Variants in ANGPT2 observed in about 807,000 individuals in gnomAD.
ANGPT2 encodes angiopoietin-2.
In ANGPT2, 28 loss-of-function variants were observed where a neutral mutation model predicts 62.9. The observed-to-expected ratio is 0.44, with a 90% CI of 0.33 to 0.61. The LOEUF (loss-of-function observed/expected upper bound fraction) is 0.61. Ranked by LOEUF, ANGPT2 falls within the 20% of genes least tolerant of loss-of-function variation. The pLI is 0.03. For synonymous variants in ANGPT2, 284 were observed against 207.8 expected, an observed-to-expected ratio of 1.37 and a Z score of -3.15; for missense variants, 727 against 594.9, an observed-to-expected ratio of 1.22 and a Z score of -2.31.
At position 6,562,627 on chromosome 8, in the gene ANGPT2, C is replaced by T. The variant is rs751169324; in HGVS notation, c.288+20G>A. The T allele has an allele frequency of 1.5e-6, 2 of 1,291,356 alleles. No homozygotes were observed. Among genetic ancestry groups the T allele is most frequent in the Admixed American group, 4.3e-5 (2 of 46,750 alleles). The allele number at this position is 1,291,356 out of a possible 1,614,324, so 80.0% of individuals were successfully genotyped here. ...GATCTTAATAGCATGTTCACAAAGA[C>T]AGATGGATTTTTTTCCTACCTTCAT... On this transcript the variant is annotated intron_variant, in intron 1 of 8. Transcript: ENST00000629816.
At chr8:6,547,057 CCG>C (rs1822725242) in intron 1 of ANGPT2, among the ~76,000 whole-genome samples, 1 of 152,048 alleles carries the variant, frequency 6.6e-6, no homozygotes, top group Admixed American at 6.5e-5. Flanking sequence ...TCCGTGTGTA[CCG>C]TGGTTGCCTT....
chr8:6,543,484 C>A (rs1277946510), intron 1 of ANGPT2, among the ~76,000 whole-genome samples: 1 of 152,136 alleles, frequency 6.6e-6, no homozygotes, highest in Non-Finnish European at 1.5e-5. Context: ...CACTGACGGG[C>A]AATGTGCGTG....
chr8:6,540,674 A>C (rs1294424928), intron 1 of ANGPT2, among the ~76,000 whole-genome samples: 4 of 152,270 alleles, frequency 2.6e-5, no homozygotes, highest in Non-Finnish European at 5.9e-5. Context: ...CTCAGTGTGT[A>C]TGTGTGTGTA....
At chr8:6,529,263 C>G (rs957919793) in intron 2 of ANGPT2, among the ~76,000 whole-genome samples, 1 of 152,140 alleles carries the variant, frequency 6.6e-6, no homozygotes, top group African/African-American at 2.4e-5. Flanking sequence ...AGACCTCCAG[C>G]CACCCATTGT....
At chr8:6,505,208 A>AATAT (rs71213310) in intron 8 of ANGPT2, among the ~76,000 whole-genome samples, 3 of 60,080 alleles carry the variant, frequency 5.0e-5, no homozygotes, top group African/African-American at 6.0e-5. Flanking sequence ...GTATATATAG[A>AATAT]ATATATATAT....
intron 4 of ANGPT2, 52 bp from the exon 5 acceptor site, chr8:6,520,043 G>C (rs373059384): frequency 6.3e-7 from 1 of 1,593,512 alleles, no homozygotes; most frequent in Admixed American, 1.7e-5. Context: ...AAAAGACAAA[G>C]ACTTGTTATT....
intron 8 of ANGPT2, among the ~76,000 whole-genome samples, chr8:6,505,778 T>A (rs139030698): frequency 0.11 from 12,801 of 117,850 alleles, 1,043 homozygotes; most frequent in African/African-American, 0.23. Flanking sequence ...TATATATTCT[T>A]TATATATGTA....
intron 1 of ANGPT2, among the ~76,000 whole-genome samples, chr8:6,553,952 C>T (rs530074980): frequency 2.5e-4 from 38 of 152,112 alleles, no homozygotes; most frequent in Non-Finnish European, 3.4e-4. Flanking sequence ...TAGAAATCTT[C>T]TGTGTGTAGC....
At chr8:6,527,938 C>T (rs975357480) in intron 2 of ANGPT2, among the ~76,000 whole-genome samples, 3 of 147,394 alleles carry the variant, frequency 2.0e-5, no homozygotes, top group South Asian at 2.2e-4. Context: ...CTCCATTGCC[C>T]GGGGTGGAGT....
chr8:6,557,327 C>G (rs1824789675), intron 1 of ANGPT2, among the ~76,000 whole-genome samples: 1 of 152,042 alleles, frequency 6.6e-6, no homozygotes, highest in Non-Finnish European at 1.5e-5. Context: ...ACCATACCTA[C>G]CATACTTGTG....
rs181672863 is a variant in ANGPT2, at chr8:6,533,784, C to A, written c.289-1297G>T. 1.7e-3 allele frequency among the ~76,000 whole-genome samples: 256 copies of A among 152,090 alleles called. 8 individuals carry two copies. In the South Asian group the frequency reaches 0.033, roughly 20 times the overall value. On this transcript the variant is annotated intron_variant, in intron 1 of 8. Coordinates refer to ENST00000629816, the MANE Select transcript of ANGPT2 (RefSeq NM_001118887.2). ...AAACTTAGAATTCTTTATAGAGAAA[C>A]CATTCGTGGAGTCAGTCATCAGACA... is the stretch of plus-strand genomic sequence containing the variant.
intron 1 of ANGPT2, among the ~76,000 whole-genome samples, chr8:6,537,627 C>A (rs1036933916): frequency 1.3e-5 from 2 of 151,662 alleles, no homozygotes; most frequent in Admixed American, 1.3e-4. Context: ...ACTCCCACAA[C>A]GTTTTGAATG....
chr8:6,544,274 T>C (rs778685293), intron 1 of ANGPT2, among the ~76,000 whole-genome samples: 1 of 152,240 alleles, frequency 6.6e-6, no homozygotes, highest in Non-Finnish European at 1.5e-5. Flanking sequence ...AAACACGTTC[T>C]ACTTCTGTCT....
chr8:6,556,546 G>A (rs12546072), intron 1 of ANGPT2, among the ~76,000 whole-genome samples: 18,445 of 152,082 alleles, frequency 0.12, 1,261 homozygotes, highest in South Asian at 0.17. Flanking sequence ...CATACTAGCT[G>A]CTGCTACACT....
At chr8:6,530,208 G>T (rs1344902266) in intron 2 of ANGPT2, among the ~76,000 whole-genome samples, 2 of 151,936 alleles carry the variant, frequency 1.3e-5, no homozygotes, top group Non-Finnish European at 2.9e-5. Flanking sequence ...GTGCAATTTT[G>T]CCATTGAAAG....
chr8:6,508,582 A>G (rs1586219965), intron 8 of ANGPT2: 1 of 435,108 alleles, frequency 2.3e-6, no homozygotes. Flanking sequence ...GCTACTTGGA[A>G]TTTTTAACTT....
At chr8:6,545,430 G>T (rs192398987) in intron 1 of ANGPT2, among the ~76,000 whole-genome samples, 220 of 152,284 alleles carry the variant, frequency 1.4e-3, no homozygotes, top group Admixed American at 3.7e-3. Flanking sequence ...TATGACCCTA[G>T]TTACTATGGG....
intron 5 of ANGPT2, among the ~76,000 whole-genome samples, chr8:6,515,902 C>T (rs1368241273): frequency 2.0e-5 from 3 of 152,162 alleles, no homozygotes; most frequent in African/African-American, 7.2e-5. Context: ...GAGTGCTATT[C>T]CTGTTCTTTC....
intron 5 of ANGPT2, among the ~76,000 whole-genome samples, 177 bp downstream of exon 5, chr8:6,519,687 C>T (rs1456546686): frequency 6.6e-6 from 1 of 152,194 alleles, no homozygotes; most frequent in Middle Eastern, 3.2e-3. Flanking sequence ...TGCACAGCAG[C>T]GGCACTTAGA....
Sources: gnomAD v4.1 joint callset for allele counts (sites outside exome capture counted in the v4.1 genomes callset) on GRCh38, gnomAD v4.1.1 for gene constraint, MANE v1.5 for transcripts, NCBI Gene and HGNC (gene_info 2026-07-23, HGNC 2026-07-21) for gene names.